The following CDC42SE2 variants were observed in gnomAD, a reference collection of about 807,000 sequenced individuals.
CDC42SE2 encodes CDC42 small effector 2.
Under a neutral mutation model 11.5 loss-of-function variants are expected in CDC42SE2, and 3 were observed. The ratio of observed to expected loss-of-function variants is 0.26; its 90% confidence interval spans 0.12 to 0.67. The LOEUF is 0.67. Among genes scored for constraint, CDC42SE2 ranks in the 30% least tolerant of loss-of-function variants. CDC42SE2 has a pLI of 0.80. For missense variants in CDC42SE2, 82 were observed against 106.8 expected (o/e 0.77, Z 1.02); for synonymous variants, 33 against 34.8 (o/e 0.95, Z 0.18).
At chr5:131,303,415 GT>G (rs1200334737) in intron 1 of CDC42SE2, among the ~76,000 whole-genome samples, 2 of 152,312 alleles carry the variant, frequency 1.3e-5, no homozygotes, top group East Asian at 3.9e-4. Context: ...TTAAGCTACT[GT>G]TTCTTGAGGA....
Position 131,392,561 on chromosome 5 carries a change from G to A in CDC42SE2, c.*1470G>A, listed in dbSNP as rs1750693467. 6.6e-6 allele frequency: 1 copy of A among 152,244 alleles called. No individual in the cohort carries two copies. Among genetic ancestry groups the A allele is most frequent in the South Asian group, 2.1e-4 (1 of 4,818 alleles). 9.4% of individuals were successfully genotyped at this position (152,244 alleles called of 1,614,324 possible). On this transcript the variant is annotated 3_prime_UTR_variant, in exon 5 of 5. Transcript: ENST00000505065. ...TAGAATTGCAATAAAAGAAAAGCTT[G>A]CATTCATAAGGCATTCATTCTGTTG...
chr5:131,371,437 T>C (rs1750009935), intron 3 of CDC42SE2, among the ~76,000 whole-genome samples: 1 of 152,258 alleles, frequency 6.6e-6, no homozygotes, highest in Admixed American at 6.5e-5. Flanking sequence ...CATCTACTTT[T>C]GTCTATTGAA....
intron 1 of CDC42SE2, among the ~76,000 whole-genome samples, chr5:131,250,141 T>C (rs1426555432): frequency 6.6e-6 from 1 of 152,154 alleles, no homozygotes; most frequent in Non-Finnish European, 1.5e-5. Context: ...CAAGAGAAAC[T>C]CTTGCACATA....
chr5:131,279,568 T>G (rs1757194576), intron 1 of CDC42SE2, among the ~76,000 whole-genome samples: 1 of 151,960 alleles, frequency 6.6e-6, no homozygotes, highest in Admixed American at 6.6e-5. Context: ...TCTGATAATT[T>G]ACTTTCTTCT....
chr5:131,278,899 C>T (rs1437058864), intron 1 of CDC42SE2, among the ~76,000 whole-genome samples: 1 of 144,710 alleles, frequency 6.9e-6, no homozygotes, highest in Non-Finnish European at 1.5e-5. Flanking sequence ...ATTCTCCTGC[C>T]TCAGCCTCCC....
At chr5:131,270,039 C>T (rs867588739) in intron 1 of CDC42SE2, among the ~76,000 whole-genome samples, 5 of 150,770 alleles carry the variant, frequency 3.3e-5, no homozygotes, top group Non-Finnish European at 1.5e-5. Flanking sequence ...CCAGCCTGGG[C>T]GATGGAGCAA....
At chr5:131,337,134 A>G (rs983274820) in intron 2 of CDC42SE2, among the ~76,000 whole-genome samples, 4 of 152,206 alleles carry the variant, frequency 2.6e-5, no homozygotes, top group African/African-American at 9.6e-5. Flanking sequence ...GGTGACGTAC[A>G]GATGGGTTTT....
intron 1 of CDC42SE2, among the ~76,000 whole-genome samples, chr5:131,284,648 T>A (rs957493801): frequency 6.6e-6 from 1 of 152,092 alleles, no homozygotes; most frequent in Admixed American, 6.6e-5. Flanking sequence ...TTTAAAAATT[T>A]TTTTTGGTAG....
chr5:131,306,956 A>T (rs1757790870), intron 1 of CDC42SE2, among the ~76,000 whole-genome samples: 1 of 152,070 alleles, frequency 6.6e-6, no homozygotes, highest in Non-Finnish European at 1.5e-5. Flanking sequence ...CTGCAACTTT[A>T]CTTCGTTTAT....
the CDC42SE2 span, among the ~76,000 whole-genome samples, chr5:131,230,319 T>C: frequency 6.6e-6 from 1 of 152,230 alleles, no homozygotes; most frequent in African/African-American, 2.4e-5. Flanking sequence ...CTCATAATGA[T>C]GTTTGTTGCA....
chr5:131,348,008 G>A (rs901335058), intron 2 of CDC42SE2, among the ~76,000 whole-genome samples: 1 of 152,110 alleles, frequency 6.6e-6, no homozygotes, highest in African/African-American at 2.4e-5. Context: ...AATAATAAGA[G>A]TTATCTATGA....
At chr5:131,260,727 A>ACCTG, upstream of CDC42SE2, among the ~76,000 whole-genome samples, 1 of 152,030 alleles carries the variant, frequency 6.6e-6, no homozygotes, top group Non-Finnish European at 1.5e-5. Flanking sequence ...TGAGGTCAGG[A>ACCTG]GTTCGAGACC....
intron 1 of CDC42SE2, among the ~76,000 whole-genome samples, chr5:131,291,912 C>G (rs1203032713): frequency 6.6e-6 from 1 of 152,076 alleles, no homozygotes; most frequent in Non-Finnish European, 1.5e-5. Flanking sequence ...CTGTTATGTT[C>G]TCTTGGAATT....
In CDC42SE2 at chr5:131,391,517, C is replaced by CA. The variant is rs1561440565; in HGVS notation, c.*431dup. The CA allele has an allele frequency of 6.6e-6, 1 of 152,352 alleles. No homozygotes were observed. The highest frequency in any genetic ancestry group is 1.5e-5 in the Non-Finnish European group (1 of 68,212). The allele number at this position is 152,352 out of a possible 1,614,324, so 9.4% of individuals were successfully genotyped here. ...TGAAACCCCATCTCTACTAAAAATA[C>CA]AAAAATTAGCTGGGCATGGTGGCGC... On this transcript the variant is annotated 3_prime_UTR_variant, in exon 5 of 5. Coordinates refer to ENST00000505065, the MANE Select transcript of CDC42SE2 (RefSeq NM_001375635.1).
At chr5:131,335,450 TG>T (rs923504780) in intron 2 of CDC42SE2, among the ~76,000 whole-genome samples, 72 of 152,318 alleles carry the variant, frequency 4.7e-4, no homozygotes, top group African/African-American at 1.7e-3. Context: ...TCTGTTGATT[TG>T]GGGTGGAGAG....
At chr5:131,260,391 G>A (rs534350096), upstream of CDC42SE2, among the ~76,000 whole-genome samples, 247 of 152,272 alleles carry the variant, frequency 1.6e-3, no homozygotes, top group African/African-American at 5.4e-3. Flanking sequence ...GGGAGGCTGG[G>A]GCGGGCGGAT....
At chr5:131,297,275 G>A (rs1431059204) in intron 1 of CDC42SE2, among the ~76,000 whole-genome samples, 1 of 151,180 alleles carries the variant, frequency 6.6e-6, no homozygotes, top group African/African-American at 2.4e-5. Flanking sequence ...CTGTTATTTA[G>A]TTCCATTCTT....
intron 1 of CDC42SE2, among the ~76,000 whole-genome samples, chr5:131,313,141 C>T (rs1211147230): frequency 1.3e-5 from 2 of 152,126 alleles, no homozygotes; most frequent in South Asian, 2.1e-4. Context: ...TGCCACGACG[C>T]CCGGCTGATT....
chr5:131,327,491 T>G (rs1460060639), intron 2 of CDC42SE2, among the ~76,000 whole-genome samples: 1 of 152,240 alleles, frequency 6.6e-6, no homozygotes, highest in South Asian at 2.1e-4. Flanking sequence ...GTGGGCTTTA[T>G]GTGACCCTCT....
Sources: allele counts gnomAD v4.1 joint callset (sites outside exome capture counted in the v4.1 genomes callset), GRCh38; gene constraint gnomAD v4.1.1; transcripts MANE v1.5; gene names NCBI Gene and HGNC (gene_info 2026-07-23, HGNC 2026-07-21).